C12orf42: variants seen among roughly 807,000 people sequenced by gnomAD.
C12orf42 encodes the protein uncharacterized protein C12orf42.
A neutral mutation model predicts 21.6 loss-of-function variants in C12orf42; 25 were observed. That is an observed-to-expected ratio of 1.16 (90% CI 0.84 to 1.62). The LOEUF (loss-of-function observed/expected upper bound fraction) is 1.62, where lower values mean the gene tolerates loss of function less well. Among genes scored for constraint, C12orf42 ranks in the 40% most tolerant of loss-of-function variants. C12orf42 has a pLI of 0.00. For synonymous variants in C12orf42, 174 were observed against 175.0 expected (o/e 0.99, Z 0.05); for missense variants, 483 against 459.3 (o/e 1.05, Z -0.47).
At chr12:103,424,109 T>C (rs1253520845) in intron 2 of C12orf42, among the ~76,000 whole-genome samples, 1 of 152,256 alleles carries the variant, frequency 6.6e-6, no homozygotes, top group Non-Finnish European at 1.5e-5. Context: ...TCTACACCAA[T>C]CATCATGCAG....
chr12:103,459,629 C>G lies in C12orf42; in HGVS notation c.78+18720G>C, dbSNP rs938719820. 2.0e-5 allele frequency among the ~76,000 whole-genome samples: 3 copies of G among 152,156 alleles called. No individual in the cohort carries two copies. The South Asian group carries it at 6.2e-4, about 31-fold the overall frequency. On this transcript the variant is annotated intron_variant, in intron 2 of 5. Transcript: ENST00000548883. ...TTAAACCTTTTTTCTTAATAAATTG[C>G]CCAGCCTCAAATATTTCTTCACAGA...
intron 4 of C12orf42, among the ~76,000 whole-genome samples, chr12:103,364,447 A>G (rs1310289426): frequency 6.6e-6 from 1 of 152,048 alleles, no homozygotes; most frequent in African/African-American, 2.4e-5. Flanking sequence ...GAGAAAAAAG[A>G]ACAAACCAAA....
the C12orf42 span, among the ~76,000 whole-genome samples, chr12:103,196,624 T>G: frequency 1.3e-5 from 2 of 152,028 alleles, no homozygotes; most frequent in African/African-American, 4.8e-5. Context: ...ATATATATAT[T>G]TAGAATAGTT....
chr12:103,283,613 G>A (rs1030157690), intron 4 of C12orf42, among the ~76,000 whole-genome samples: 5 of 152,094 alleles, frequency 3.3e-5, no homozygotes, highest in African/African-American at 9.7e-5. Context: ...ACCAGCCAGC[G>A]CTCACATCTG....
the C12orf42 span, among the ~76,000 whole-genome samples, chr12:103,542,257 T>A: frequency 6.6e-6 from 1 of 152,268 alleles, no homozygotes; most frequent in Non-Finnish European, 1.5e-5. Flanking sequence ...AGAATCATTA[T>A]TCATTACATA....
chr12:103,276,106 G>A (rs935911740), intron 5 of C12orf42, among the ~76,000 whole-genome samples: 3 of 152,022 alleles, frequency 2.0e-5, no homozygotes, highest in African/African-American at 7.3e-5. Flanking sequence ...TCATGTTAAT[G>A]TACTAAAAAA....
intron 4 of C12orf42, chr12:103,368,075 TA>T: frequency 7.8e-7 from 1 of 1,284,934 alleles, no homozygotes; most frequent in Non-Finnish European, 1.0e-6. Context: ...CAGGCACATT[TA>T]AATATATCCT....
At chr12:103,513,587 G>C in the C12orf42 span, among the ~76,000 whole-genome samples, 1 of 152,314 alleles carries the variant, frequency 6.6e-6, no homozygotes, top group Middle Eastern at 3.4e-3. Context: ...TTCACTCTCA[G>C]ATTAGAAAAT....
At chr12:103,133,076 C>T in the C12orf42 span, among the ~76,000 whole-genome samples, 1 of 152,156 alleles carries the variant, frequency 6.6e-6, no homozygotes, top group African/African-American at 2.4e-5. Context: ...GGACTGGGTG[C>T]CTGGGGACTG....
At chr12:103,088,931 G>A in the C12orf42 span, among the ~76,000 whole-genome samples, 27 of 151,830 alleles carry the variant, frequency 1.8e-4, no homozygotes, top group Admixed American at 4.6e-4. Flanking sequence ...GTGAAACCCC[G>A]TCTCTACTAA....
At chr12:103,119,660 C>A in the C12orf42 span, among the ~76,000 whole-genome samples, 1 of 152,154 alleles carries the variant, frequency 6.6e-6, no homozygotes, top group Non-Finnish European at 1.5e-5. Context: ...ACTTTTTAAC[C>A]ATTAAAAAAT....
chr12:103,110,849 T>A, the C12orf42 span, among the ~76,000 whole-genome samples: 1 of 152,186 alleles, frequency 6.6e-6, no homozygotes, highest in Non-Finnish European at 1.5e-5. Flanking sequence ...AAGGAATATA[T>A]CCTGGAACCA....
chr12:103,541,622 T>C, the C12orf42 span, among the ~76,000 whole-genome samples: 1 of 152,258 alleles, frequency 6.6e-6, no homozygotes, highest in African/African-American at 2.4e-5. Flanking sequence ...TGCTATGCTA[T>C]GTTTTTATCA....
chr12:103,251,078 A>G (rs993842439), intron 10 of C12orf42, among the ~76,000 whole-genome samples: 4 of 152,136 alleles, frequency 2.6e-5, no homozygotes, highest in Admixed American at 6.6e-5. Flanking sequence ...GTGATATGCC[A>G]TTCACTACTT....
the C12orf42 span, among the ~76,000 whole-genome samples, chr12:103,138,470 T>C: frequency 6.6e-6 from 1 of 152,218 alleles, no homozygotes; most frequent in Non-Finnish European, 1.5e-5. Context: ...TCTGTCATGA[T>C]TGTAAGTTTC....
the C12orf42 span, among the ~76,000 whole-genome samples, chr12:103,205,741 T>C: frequency 1.3e-5 from 2 of 152,038 alleles, no homozygotes; most frequent in African/African-American, 4.8e-5. Flanking sequence ...TATAGTACAA[T>C]GGGTGAATTG....
At chr12:103,469,262 T>G (rs1259924430) in intron 2 of C12orf42, among the ~76,000 whole-genome samples, 1 of 152,216 alleles carries the variant, frequency 6.6e-6, no homozygotes, top group African/African-American at 2.4e-5. Context: ...GAGGCAGGCT[T>G]TAACACAAAG....
downstream of C12orf42, among the ~76,000 whole-genome samples, chr12:103,237,349 A>G (rs764033055): frequency 1.3e-5 from 2 of 152,190 alleles, no homozygotes; most frequent in Non-Finnish European, 2.9e-5. Context: ...ATGACAGACA[A>G]TATTGGCACA....
At chr12:103,210,709 A>C in the C12orf42 span, among the ~76,000 whole-genome samples, 1 of 136,560 alleles carries the variant, frequency 7.3e-6, no homozygotes, top group Non-Finnish European at 1.5e-5. Context: ...ACTGCTCATG[A>C]TCAATAAAAC....
Sources: allele counts gnomAD v4.1 joint callset (sites outside exome capture counted in the v4.1 genomes callset), GRCh38; gene constraint gnomAD v4.1.1; transcripts MANE v1.5; gene names NCBI Gene and HGNC (gene_info 2026-07-23, HGNC 2026-07-21).